Variants in KIAA1614 observed in about 807,000 individuals in gnomAD.
KIAA1614 encodes the protein uncharacterized protein KIAA1614.
Under a neutral mutation model 88.7 loss-of-function variants are expected in KIAA1614, and 76 were observed. That is an observed-to-expected ratio of 0.86 (90% CI 0.71 to 1.04). The LOEUF (loss-of-function observed/expected upper bound fraction) is 1.04. Among genes scored for constraint, KIAA1614 ranks in the 50% least tolerant of loss-of-function variants. The probability of loss-of-function intolerance (pLI) is 0.00; values close to 1 mark genes in which losing one functional copy is unlikely to be tolerated. For synonymous variants in KIAA1614, 714 were observed against 675.5 expected, an observed-to-expected ratio of 1.06 and a Z score of -0.88; for missense variants, 1,553 against 1,582.5, an observed-to-expected ratio of 0.98 and a Z score of 0.32.
At chr1:180,942,272 G>A (rs557463541) in intron 7 of KIAA1614, among the ~76,000 whole-genome samples, 258 of 152,342 alleles carry the variant, frequency 1.7e-3, no homozygotes, top group Non-Finnish European at 2.9e-3. Context: ...TGGGTGGGAC[G>A]CGCAGGGCAG....
Position 180,935,680 on chromosome 1 carries a change from A to G in KIAA1614, c.1771A>G (p.Met591Val), listed in dbSNP as rs372520774. Residue 591 changes from methionine (M) to valine (V), a missense_variant, in exon 5 of 9, where the codon ATG becomes GTG. Physicochemically the swap from Met to Val is conservative, Grantham distance 21 (BLOSUM62 1). Transcript: ENST00000367588. The surrounding 1 kb of genome is among the most constrained non-coding windows in gnomAD (Gnocchi z 6.1). ...CCTTCCTGCAGAGCCCCGGCTCCAC[A>G]TGGAATGGATCCGGGAAACACACAT... ...RLLPAEPRLH[M>V]EWIRETHIGD... The G allele has an allele frequency of 4.8e-4, 769 of 1,613,492 alleles. No homozygotes were observed. Among genetic ancestry groups the G allele is most frequent in the Non-Finnish European group, 6.1e-4 (719 of 1,179,890 alleles).
At chr1:180,942,105 T>TTG (rs1654482821) in intron 7 of KIAA1614, among the ~76,000 whole-genome samples, 1 of 123,194 alleles carries the variant, frequency 8.1e-6, no homozygotes, top group Non-Finnish European at 1.6e-5. Context: ...CCTCCCTCCT[T>TTG]TGTGGAACTC....
At chr1:180,915,722 G>A (rs887612225) in intron 1 of KIAA1614, among the ~76,000 whole-genome samples, 1 of 152,158 alleles carries the variant, frequency 6.6e-6, no homozygotes. Flanking sequence ...TTAGGAACCA[G>A]GCCGCACAGC....
chr1:180,941,972 G>A (rs1654477853), intron 7 of KIAA1614, among the ~76,000 whole-genome samples: 1 of 152,078 alleles, frequency 6.6e-6, no homozygotes, highest in Non-Finnish European at 1.5e-5. Context: ...ACCTGCAAAT[G>A]CCCACTCATC....
intron 4 of KIAA1614, 49 bp downstream of exon 4, chr1:180,928,622 G>A: frequency 1.3e-6 from 2 of 1,582,938 alleles, no homozygotes; most frequent in South Asian, 2.3e-5. Context: ...TAGCAGGGAA[G>A]AGTCAGCAGT....
intron 3 of KIAA1614, 154 bp from the exon 4 acceptor site, chr1:180,928,276 T>TAGA (rs2102264192): frequency 2.2e-6 from 2 of 909,784 alleles, no homozygotes; most frequent in East Asian, 5.8e-5. Flanking sequence ...GCCCCCAGGC[T>TAGA]GGGTTCCCTG....
In KIAA1614 at chr1:180,916,977, T is replaced by A; in HGVS notation, c.874T>A (p.Ser292Thr). 1 of 1,614,176 alleles carries A rather than the reference T, an allele frequency of 6.2e-7. No homozygotes were observed. Among genetic ancestry groups the A allele is most frequent in the Non-Finnish European group, 8.5e-7 (1 of 1,180,042 alleles). ...EALGAGSSVL[S>T]LSDRVERNRL... ...TCTGGGCGCTGGGAGCAGTGTCTTG[T>A]CCCTGTCTGATCGGGTGGAGAGAAA... is the stretch of plus-strand genomic sequence containing the variant. The change falls in exon 2 of 9, where the codon TCC becomes ACC. Residue 292 changes from serine to threonine, a missense_variant. Ser to Thr is a moderately conservative substitution (Grantham distance 58, BLOSUM62 1). Coordinates refer to ENST00000367588, the MANE Select transcript of KIAA1614 (RefSeq NM_020950.2).
At chr1:180,931,499 G>A (rs1264076982) in intron 4 of KIAA1614, among the ~76,000 whole-genome samples, 2 of 152,220 alleles carry the variant, frequency 1.3e-5, no homozygotes, top group African/African-American at 2.4e-5. Context: ...GGCAGGTGTG[G>A]GATTTGCTCA....
intron 4 of KIAA1614, among the ~76,000 whole-genome samples, chr1:180,931,751 A>G (rs991506782): frequency 6.6e-6 from 1 of 152,232 alleles, no homozygotes; most frequent in African/African-American, 2.4e-5. Context: ...GATGTGGCTC[A>G]TGGGACCTGG....
At chr1:180,918,582 G>A (rs1219963111) in intron 3 of KIAA1614, among the ~76,000 whole-genome samples, 4 of 152,212 alleles carry the variant, frequency 2.6e-5, no homozygotes, top group Non-Finnish European at 5.9e-5. Flanking sequence ...CACCTGCACA[G>A]AGGTTGAACC....
intron 3 of KIAA1614, chr1:180,928,155 T>C (rs1571290740): frequency 5.4e-6 from 2 of 367,654 alleles, no homozygotes; most frequent in African/African-American, 2.1e-5. Flanking sequence ...CTAGATCCTC[T>C]TGAGGTCTCT....
rs3747958 is a variant in KIAA1614, at chr1:180,928,433, C to T, written c.1065C>T (p.Thr355=). 0.41 allele frequency: 661,928 copies of T among 1,610,812 alleles called. 137,492 individuals carry two copies. The highest frequency in any genetic ancestry group is 0.54 in the East Asian group (24,373 of 44,750). The part of the protein sequence containing the change: ...TSLQDSGQNR[T]VGPNPEPVLS... ...TGGCCTGTGTGCCACGCTGCAGGAC[C>T]GTTGGTCCCAACCCGGAGCCTGTGC... The change falls in exon 4 of 9, where the codon ACC becomes ACT. Residue 355 remains threonine, a synonymous_variant. Coordinates refer to ENST00000367588, the MANE Select transcript of KIAA1614 (RefSeq NM_020950.2).
In KIAA1614 at chr1:180,944,497, G is replaced by A. The variant is rs967624010; in HGVS notation, c.3268G>A (p.Asp1090Asn). 6.2e-7 allele frequency: 1 copy of A among 1,613,684 alleles called. No individual in the cohort carries two copies. Among genetic ancestry groups the A allele is most frequent in the Non-Finnish European group, 8.5e-7 (1 of 1,179,784 alleles). Reference sequence around the variant, plus strand: ...CCTCTACCTGGTAGCAGGGCCAGGGGACCACAGTGCAGCTGGCAGGTATGA... The same window carrying A: ...CCTCTACCTGGTAGCAGGGCCAGGGAACCACAGTGCAGCTGGCAGGTATGA... ...SSLYLVAGPG[D>N]HSAAGRPAKT... The change falls in exon 8 of 9, where the codon GAC becomes AAC. Residue 1090 changes from aspartate to asparagine, a missense_variant. Physicochemically the swap from Asp to Asn is conservative, Grantham distance 23. Coordinates refer to ENST00000367588, the MANE Select transcript of KIAA1614 (RefSeq NM_020950.2).
chr1:180,934,582 C>T (rs1490186974), intron 4 of KIAA1614, among the ~76,000 whole-genome samples: 5 of 152,156 alleles, frequency 3.3e-5, no homozygotes, highest in Non-Finnish European at 7.3e-5. Context: ...ATAGAGAGAT[C>T]CTGCCACTAA....
intron 1 of KIAA1614, among the ~76,000 whole-genome samples, chr1:180,915,823 CAA>C (rs1423682987): frequency 6.6e-6 from 1 of 152,100 alleles, no homozygotes; most frequent in African/African-American, 2.4e-5. Flanking sequence ...CATAGGAGCA[CAA>C]ATTTTATTGT....
chr1:180,945,122 C>T lies in KIAA1614; in HGVS notation c.3288-181C>T, dbSNP rs760704641. On this transcript the variant is annotated intron_variant, in intron 8 of 8. Transcript: ENST00000367588. ...GCAGGCCTTGGGGGGCCTTGCACAGCGGCGGAAACCCACCAGTTTTGGCCC... is the reference window on the plus strand; with the variant it reads ...GCAGGCCTTGGGGGGCCTTGCACAGTGGCGGAAACCCACCAGTTTTGGCCC... The T allele has an allele frequency of 2.6e-4, 158 of 617,948 alleles. 1 individual carries two copies. The highest frequency in any genetic ancestry group is 1.8e-3 in the East Asian group (55 of 29,860). 38.3% of individuals were successfully genotyped at this position (617,948 alleles called of 1,614,324 possible).
rs546480411 is a variant in KIAA1614, at chr1:180,941,323, T to C, written c.3159+38T>C. On this transcript the variant is annotated intron_variant, in intron 7 of 8. Coordinates refer to ENST00000367588, the MANE Select transcript of KIAA1614 (RefSeq NM_020950.2). ...GCCCCAGCCCAGGGAGTGAAGCCAG[T>C]AGCGGTGCAACCACCATCAGAATGA... 1.7e-5 allele frequency: 26 copies of C among 1,573,426 alleles called. No individual in the cohort carries two copies. The African/African-American group carries it at 3.5e-4, about 21-fold the overall frequency.
intron 1 of KIAA1614, 58 bp from the exon 2 acceptor site, chr1:180,916,096 G>T (rs545594375): frequency 7.9e-6 from 11 of 1,383,770 alleles, no homozygotes; most frequent in Non-Finnish European, 1.1e-5. Flanking sequence ...GGCCCCGGGA[G>T]GTTGTGGGGG....
At chr1:180,917,179 C>A in intron 2 of KIAA1614, 79 bp downstream of exon 2, 1 of 1,134,502 alleles carries the variant, frequency 8.8e-7, no homozygotes, top group Non-Finnish European at 1.3e-6. Context: ...CGAGGGGGTC[C>A]CACAGAGGGA....
Sources: allele counts gnomAD v4.1 joint callset (sites outside exome capture counted in the v4.1 genomes callset), GRCh38; gene constraint gnomAD v4.1.1; non-coding constraint Gnocchi (gnomAD v3.1); transcripts MANE v1.5; gene names NCBI Gene and HGNC (gene_info 2026-07-23, HGNC 2026-07-21).